The following PPARA variants were observed in gnomAD, a reference collection of about 807,000 sequenced individuals.
PPARA encodes peroxisome proliferator-activated receptor alpha.
Under a neutral mutation model 42.2 loss-of-function variants are expected in PPARA, and 22 were observed. The ratio of observed to expected loss-of-function variants is 0.52; its 90% CI spans 0.37 to 0.74. The LOEUF is 0.74. PPARA is among the 30% of genes least tolerant of loss of function. The pLI, the probability that PPARA is intolerant of heterozygous loss-of-function variation, is 0.00. For synonymous variants in PPARA, 242 were observed against 239.3 expected (o/e 1.01, Z -0.10); for missense variants, 465 against 608.2 (o/e 0.76, Z 2.48).
In PPARA at chr22:46,188,189, T is replaced by C. The variant is rs1388858481; in HGVS notation, c.-42-10153T>C. Among the ~76,000 whole-genome samples the C allele has an allele frequency of 1.3e-5, 2 of 152,212 alleles. No homozygotes were observed. Among genetic ancestry groups the C allele is most frequent in the Non-Finnish European group, 1.5e-5 (1 of 68,032 alleles). On this transcript the variant is annotated intron_variant, in intron 3 of 8. Transcript: ENST00000407236. The surrounding 1 kb of genome is among the most constrained non-coding windows in gnomAD (Gnocchi z 5.0). ...CAGCCCAATTTGCTGACCCATAGAATTGTGAACAAATAAAATGGTTGTAGT... is the reference window on the plus strand; with the variant it reads ...CAGCCCAATTTGCTGACCCATAGAACTGTGAACAAATAAAATGGTTGTAGT...
Position 46,200,480 on chromosome 22 carries a change from A to T in PPARA, c.208+1889A>T, listed in dbSNP as rs1932786168. Among the ~76,000 whole-genome samples the T allele has an allele frequency of 6.6e-6, 1 of 152,256 alleles. No homozygotes were observed. Among genetic ancestry groups the T allele is most frequent in the Non-Finnish European group, 1.5e-5 (1 of 68,046 alleles). On this transcript the variant is annotated intron_variant, in intron 4 of 8. Transcript: ENST00000407236. This position sits in a 1 kb window ranked among gnomAD's most constrained non-coding sequence, Gnocchi z 4.8. ...AAGTATTTGTGCGTCTAAACATACC[A>T]AAACATATAGTAGAAAAGGTTACAG...
chr22:46,227,248 T>TTTTA lies in PPARA; in HGVS notation c.712-4528_712-4525dup, dbSNP rs1179653701. 6.6e-6 allele frequency among the ~76,000 whole-genome samples: 1 copy of TTTTA among 152,022 alleles called. No individual in the cohort carries two copies. The highest frequency in any genetic ancestry group is 1.5e-5 in the Non-Finnish European group (1 of 68,006). On this transcript the variant is annotated intron_variant, in intron 7 of 8. Coordinates refer to ENST00000407236, the MANE Select transcript of PPARA (RefSeq NM_005036.6). The surrounding 1 kb of genome is among the most constrained non-coding windows in gnomAD (Gnocchi z 4.3). ...GTTCTACCAGTGCTTCACATTTATT[T>TTTTA]TTTATTTATTTATTTATTTTTGAGA...
rs1220784397 is a variant in PPARA, at chr22:46,183,390, A to G, written c.-43+6554A>G. On this transcript the variant is annotated intron_variant, in intron 3 of 8. Coordinates refer to ENST00000407236, the MANE Select transcript of PPARA (RefSeq NM_005036.6). The surrounding 1 kb of genome is among the most constrained non-coding windows in gnomAD (Gnocchi z 5.5). ...AGAGAGAGTAATATTCATCAAGAGGATCATCTACTCAACACAGATAAACTG... is the reference window on the plus strand; with the variant it reads ...AGAGAGAGTAATATTCATCAAGAGGGTCATCTACTCAACACAGATAAACTG... Among the ~76,000 whole-genome samples, 1 of 152,238 alleles carries G rather than the reference A, an allele frequency of 6.6e-6. No individual in the cohort carries two copies. Among genetic ancestry groups the G allele is most frequent in the Non-Finnish European group, 1.5e-5 (1 of 68,044 alleles).
intron 3 of PPARA, among the ~76,000 whole-genome samples, chr22:46,194,446 C>A (rs1931953117): frequency 6.6e-6 from 1 of 152,078 alleles, no homozygotes; most frequent in Non-Finnish European, 1.5e-5. Context: ...AGAATATTAG[C>A]AGGGATAAAA....
rs11705154 is a variant in PPARA, at chr22:46,196,925, G to C, written c.-42-1417G>C. On this transcript the variant is annotated intron_variant, in intron 3 of 8. Coordinates refer to ENST00000407236, the MANE Select transcript of PPARA (RefSeq NM_005036.6). This position sits in a 1 kb window ranked among gnomAD's most constrained non-coding sequence, Gnocchi z 5.6. ...TTTAGTAGAGACAGAGTTTCATCAT[G>C]TTGGTCAAGCTGCCCTCCAACTCCT... Among the ~76,000 whole-genome samples, 12,138 of 151,986 alleles carry C rather than the reference G, an allele frequency of 0.08. 505 individuals are homozygous for C. The highest frequency in any genetic ancestry group is 0.13 in the Middle Eastern group (37 of 294).
At chr22:46,153,163 CTTTTTTTT>C (rs996863467) in intron 2 of PPARA, among the ~76,000 whole-genome samples, 3 of 109,216 alleles carry the variant, frequency 2.7e-5, no homozygotes, top group Admixed American at 1.0e-4. Flanking sequence ...TTCCCACATC[CTTTTTTTT>C]TTTTTTTTTT....
At chr22:46,201,124 CAAAAAA>C in intron 4 of PPARA, among the ~76,000 whole-genome samples, 1 of 61,738 alleles carries the variant, frequency 1.6e-5, no homozygotes, top group South Asian at 5.4e-4. Context: ...GATTCCGTCT[CAAAAAA>C]AAAAAAAAAA....
chr22:46,201,526 C>T (rs773184186), intron 4 of PPARA, among the ~76,000 whole-genome samples: 5 of 152,234 alleles, frequency 3.3e-5, no homozygotes, highest in South Asian at 4.2e-4. Context: ...GAAAAGGCTC[C>T]GTGTCAGGTG....
chr22:46,157,587 G>T (rs1925511995), intron 2 of PPARA, among the ~76,000 whole-genome samples: 3 of 152,308 alleles, frequency 2.0e-5, no homozygotes, highest in South Asian at 2.1e-4. Context: ...GGATTAAATA[G>T]AATTTTTATA....
chr22:46,218,062 C>T (rs1768652443), intron 5 of PPARA, among the ~76,000 whole-genome samples: 1 of 151,816 alleles, frequency 6.6e-6, no homozygotes, highest in African/African-American at 2.4e-5. Flanking sequence ...AACTCCTGAC[C>T]TCAGGTGATC....
rs1569232753 is a variant in PPARA, at chr22:46,212,735, C to A, written c.209-2438C>A. ...AGCTGGCCATGCACAGTGGCTCACACCTGTAATCCCAGCATTTTGGGAGGC... is the reference window on the plus strand; with the variant it reads ...AGCTGGCCATGCACAGTGGCTCACAACTGTAATCCCAGCATTTTGGGAGGC... On this transcript the variant is annotated intron_variant, in intron 4 of 8. Transcript: ENST00000407236. This position sits in a 1 kb window ranked among gnomAD's most constrained non-coding sequence, Gnocchi z 4.2. 6.6e-6 allele frequency among the ~76,000 whole-genome samples: 1 copy of A among 152,206 alleles called. No homozygotes were observed.
Position 46,182,570 on chromosome 22 carries a change from A to T in PPARA, c.-43+5734A>T, listed in dbSNP as rs1171148568. 6.6e-6 allele frequency among the ~76,000 whole-genome samples: 1 copy of T among 152,140 alleles called. No individual in the cohort carries two copies. The highest frequency in any genetic ancestry group is 1.9e-4 in the East Asian group (1 of 5,202). On this transcript the variant is annotated intron_variant, in intron 3 of 8. Coordinates refer to ENST00000407236, the MANE Select transcript of PPARA (RefSeq NM_005036.6). The surrounding 1 kb of genome is among the most constrained non-coding windows in gnomAD (Gnocchi z 5.2). ...GTGGGCATGGAGGGGCAAGAGGGAGAGATTAGATGGGCACAGGAGAGCTTT... is the reference window on the plus strand; with the variant it reads ...GTGGGCATGGAGGGGCAAGAGGGAGTGATTAGATGGGCACAGGAGAGCTTT...
rs1339559100 is a variant in PPARA at position 46,193,775 on chromosome 22, T to C, written c.-42-4567T>C. Among the ~76,000 whole-genome samples the C allele has an allele frequency of 2.0e-5, 3 of 152,160 alleles. No individual in the cohort carries two copies. Among genetic ancestry groups the C allele is most frequent in the Non-Finnish European group, 4.4e-5 (3 of 68,016 alleles). On this transcript the variant is annotated intron_variant, in intron 3 of 8. Transcript: ENST00000407236. This position sits in a 1 kb window ranked among gnomAD's most constrained non-coding sequence, Gnocchi z 5.3. The stretch of plus-strand genomic sequence containing the variant: ...CACCTGTCCCTCACCTCTCAGCTTT[T>C]GTGAGACTCTGTCTGTGCTATGAAA...
chr22:46,228,709 T>C (rs1202767423), intron 7 of PPARA, among the ~76,000 whole-genome samples: 1 of 152,220 alleles, frequency 6.6e-6, no homozygotes, highest in East Asian at 1.9e-4. Flanking sequence ...CTCATTCTCA[T>C]TCTGGAAGAC....
intron 2 of PPARA, among the ~76,000 whole-genome samples, chr22:46,157,075 C>T (rs554888747): frequency 8.5e-5 from 13 of 152,296 alleles, no homozygotes; most frequent in Admixed American, 3.9e-4. Context: ...TTCCGTCAAG[C>T]CAGGACCCGG....
chr22:46,192,523 ACT>A lies in PPARA; in HGVS notation c.-42-5816_-42-5815del, dbSNP rs59259622. 7.1e-3 allele frequency among the ~76,000 whole-genome samples: 1,078 copies of A among 152,118 alleles called. 13 individuals carry two copies. The highest frequency in any genetic ancestry group is 0.025 in the African/African-American group (1,034 of 41,476). On this transcript the variant is annotated intron_variant, in intron 3 of 8. Transcript: ENST00000407236. This position sits in a 1 kb window ranked among gnomAD's most constrained non-coding sequence, Gnocchi z 4.3. ...TTTAAGTGTTCTACAATTTTCATAT[ACT>A]CTGTTTCATCGTTCTCAAAGGAATA...
chr22:46,185,916 AAT>A lies in PPARA; in HGVS notation c.-43+9128_-43+9129del, dbSNP rs59733161. Among the ~76,000 whole-genome samples, 165 of 25,284 alleles carry A rather than the reference AAT, an allele frequency of 6.5e-3. 1 individual carries two copies. Among genetic ancestry groups the A allele is most frequent in the African/African-American group, 0.012 (62 of 5,064 alleles). 16.6% of individuals were successfully genotyped at this position (25,284 alleles called of 152,430 possible). ...TCTCCAAAAAAAAAAAAAAAAAAAAAATATATATATATATATATATATATATA... is the reference window on the plus strand; with the variant it reads ...TCTCCAAAAAAAAAAAAAAAAAAAAAATATATATATATATATATATATATA... On this transcript the variant is annotated intron_variant, in intron 3 of 8. Transcript: ENST00000407236.
In PPARA at chr22:46,241,961, G is replaced by C. The variant is rs914353445; in HGVS notation, c.*6581G>C. The C allele has an allele frequency of 1.3e-5, 2 of 150,592 alleles. No homozygotes were observed. Among genetic ancestry groups the C allele is most frequent in the Non-Finnish European group, 3.0e-5 (2 of 67,778 alleles). 9.3% of individuals were successfully genotyped at this position (150,592 alleles called of 1,614,324 possible). On this transcript the variant is annotated 3_prime_UTR_variant, in exon 9 of 9. Coordinates refer to ENST00000407236, the MANE Select transcript of PPARA (RefSeq NM_005036.6). The surrounding 1 kb of genome is among the most constrained non-coding windows in gnomAD (Gnocchi z 5.7). ...GAAAAAATAATTGATTTTTACATCA[G>C]AGATAGCAAACTAAGACCTGGGGAG... is the stretch of plus-strand genomic sequence containing the variant.
At chr22:46,209,891 A>G (rs1013992531) in intron 4 of PPARA, among the ~76,000 whole-genome samples, 8 of 152,036 alleles carry the variant, frequency 5.3e-5, no homozygotes, top group African/African-American at 1.7e-4. Context: ...GACCACAGGT[A>G]CACACCACCA....
Sources: allele counts gnomAD v4.1 joint callset (sites outside exome capture counted in the v4.1 genomes callset), GRCh38; gene constraint gnomAD v4.1.1; non-coding constraint Gnocchi (gnomAD v3.1); transcripts MANE v1.5; gene names NCBI Gene and HGNC (gene_info 2026-07-23, HGNC 2026-07-21).